The following BSN variants were observed in gnomAD, a reference collection of about 807,000 sequenced individuals.
The protein encoded by BSN is bassoon presynaptic cytomatrix protein, also known as protein bassoon.
A neutral mutation model predicts 264.8 loss-of-function variants in BSN; 57 were observed. The ratio of observed to expected loss-of-function variants is 0.22; its 90% confidence interval spans 0.17 to 0.27. The LOEUF (loss-of-function observed/expected upper bound fraction) is 0.27, where lower values mean the gene tolerates loss of function less well. BSN is among the 10% of genes least tolerant of loss of function. The pLI is 1.00. For synonymous variants in BSN, 2,059 were observed against 2,137.3 expected (o/e 0.96, Z 1.01); for missense variants, 4,615 against 5,232.5 (o/e 0.88, Z 3.64).
At position 49,644,902 on chromosome 3, in the gene BSN, T is replaced by G. The variant is rs373656124; in HGVS notation, c.1518+1750T>G. 1.9e-4 allele frequency among the ~76,000 whole-genome samples: 29 copies of G among 152,378 alleles called. No homozygotes were observed. The East Asian group carries it at 4.6e-3, about 24-fold the overall frequency. ...CGTCCCTGGGCCAGGCCACGGGAAG[T>G]GCTGATTCTGCCCAAACAGAAGAGT... On this transcript the variant is annotated intron_variant, in intron 3 of 11. Coordinates refer to ENST00000296452, the MANE Select transcript of BSN (RefSeq NM_003458.4).
Position 49,662,965 on chromosome 3 carries a change from G to A in BSN, c.10807G>A (p.Val3603Ile), listed in dbSNP as rs1475335171. The part of the protein sequence containing the change: ...DRFRHHGGHA[V>I]SSSSQKRGPA... ...GTTCAGGCACCACGGGGGCCATGCAGTTTCCTCCTCCTCCCAGAAGCGAGG... is the reference window on the plus strand; with the variant it reads ...GTTCAGGCACCACGGGGGCCATGCAATTTCCTCCTCCTCCCAGAAGCGAGG... Residue 3603 changes from valine (V) to isoleucine (I), a missense_variant, in exon 7 of 12, where the codon GTT becomes ATT. Physicochemically the swap from Val to Ile is conservative, Grantham distance 29 (BLOSUM62 3). This residue lies in a region of BSN where 3,415 missense variants were observed against 3,866.4 expected (regional missense o/e 0.88). Transcript: ENST00000296452. 14 of 1,614,054 alleles carry A rather than the reference G, an allele frequency of 8.7e-6. No homozygotes were observed. The highest frequency in any genetic ancestry group is 1.3e-5 in the African/African-American group (1 of 74,952).
chr3:49,633,967 G>A (rs2052402500), intron 2 of BSN, among the ~76,000 whole-genome samples: 1 of 152,034 alleles, frequency 6.6e-6, no homozygotes, highest in Admixed American at 6.5e-5. Context: ...AGCACTTTGG[G>A]AGGCCGAGGC....
chr3:49,588,047 A>G (rs911115780), intron 1 of BSN, among the ~76,000 whole-genome samples: 1 of 150,956 alleles, frequency 6.6e-6, no homozygotes, highest in Non-Finnish European at 1.5e-5. Context: ...TCAGCCTCCC[A>G]AGTAGCTGGG....
intron 1 of BSN, among the ~76,000 whole-genome samples, chr3:49,596,186 C>T (rs1193557137): frequency 1.3e-5 from 2 of 152,146 alleles, no homozygotes; most frequent in Admixed American, 6.5e-5. Flanking sequence ...GGGTGGATCA[C>T]GAGGTCAGGA....
intron 1 of BSN, among the ~76,000 whole-genome samples, chr3:49,603,922 A>G (rs2052091206): frequency 6.6e-6 from 1 of 152,156 alleles, no homozygotes; most frequent in Non-Finnish European, 1.5e-5. Flanking sequence ...GTTCATATAA[A>G]TGGAATCATA....
chr3:49,654,139 C>G lies in BSN; in HGVS notation c.4583C>G (p.Pro1528Arg), dbSNP rs1274182060. 6.2e-7 allele frequency: 1 copy of G among 1,614,074 alleles called. No individual in the cohort carries two copies. Among genetic ancestry groups the G allele is most frequent in the Non-Finnish European group, 8.5e-7 (1 of 1,180,040 alleles). The change falls in exon 5 of 12, where the codon CCT becomes CGT. Residue 1528 changes from proline (P) to arginine (R), a missense_variant. Pro to Arg is a moderately radical substitution (Grantham distance 103, BLOSUM62 -2). Transcript: ENST00000296452. This position sits in a 1 kb window ranked among gnomAD's most constrained non-coding sequence, Gnocchi z 4.1. Reference sequence around the variant, plus strand: ...AGCCCTGGTGCCCCCACTCCATCACCTATGGTAGCCCAGGGTACACAAACA... The same window carrying G: ...AGCCCTGGTGCCCCCACTCCATCACGTATGGTAGCCCAGGGTACACAAACA... ...PRSPGAPTPS[P>R]MVAQGTQTPH...
At chr3:49,599,543 TG>T (rs1235373157) in intron 1 of BSN, among the ~76,000 whole-genome samples, 2 of 152,050 alleles carry the variant, frequency 1.3e-5, no homozygotes, top group Admixed American at 1.3e-4. Context: ...GAGCTAGGGA[TG>T]GGGGAGGGAA....
rs551398454 is a variant in BSN, at chr3:49,622,685, C to G, written c.225-2290C>G. On this transcript the variant is annotated intron_variant, in intron 1 of 11. Transcript: ENST00000296452. Reference sequence around the variant, plus strand: ...TGCTTTCAAGGGCTGCCTTTAAACTCCAGTCTTAAATAATTTATGTAAAAA... The same window carrying G: ...TGCTTTCAAGGGCTGCCTTTAAACTGCAGTCTTAAATAATTTATGTAAAAA... Among the ~76,000 whole-genome samples, 7 of 152,314 alleles carry G rather than the reference C, an allele frequency of 4.6e-5. No individual in the cohort carries two copies. In the South Asian group the frequency reaches 1.5e-3, roughly 32 times the overall value.
chr3:49,627,637 C>T (rs1465172089), intron 2 of BSN, among the ~76,000 whole-genome samples: 1 of 152,158 alleles, frequency 6.6e-6, no homozygotes, highest in Non-Finnish European at 1.5e-5. Context: ...GATGTTATGT[C>T]AGTCAAGAAG....
At chr3:49,572,782 C>CT (rs2051807469) in intron 1 of BSN, among the ~76,000 whole-genome samples, 1 of 152,214 alleles carries the variant, frequency 6.6e-6, no homozygotes, top group Non-Finnish European at 1.5e-5. Flanking sequence ...ATCCGCCCGC[C>CT]TAAGCCTCCC....
At chr3:49,582,963 T>TTATC (rs2051906526) in intron 1 of BSN, among the ~76,000 whole-genome samples, 1 of 150,358 alleles carries the variant, frequency 6.7e-6, no homozygotes, top group Admixed American at 6.6e-5. Flanking sequence ...ATTTATTTAT[T>TTATC]TATTTATTTA....
chr3:49,656,313 C>G lies in BSN; in HGVS notation c.6757C>G (p.Leu2253Val). ...RVPMIAPRVP[L>V]GPTGLYRYPA... is the part of the protein sequence containing the mutation. ...GCCCATGATTGCCCCCCGGGTACCT[C>G]TTGGACCCACAGGGCTGTACCGCTA... is the stretch of plus-strand genomic sequence containing the variant. The change falls in exon 5 of 12, where the codon CTT (leucine) becomes GTT (valine). Residue 2253 changes from leucine (L) to valine (V), a missense_variant. Leu to Val is a conservative substitution (Grantham distance 32). This residue lies in a region of BSN where 3,415 missense variants were observed against 3,866.4 expected (regional missense o/e 0.88). Coordinates refer to ENST00000296452, the MANE Select transcript of BSN (RefSeq NM_003458.4). 6.2e-7 allele frequency: 1 copy of G among 1,613,128 alleles called. No homozygotes were observed.
At chr3:49,617,174 G>T (rs1280453024) in intron 1 of BSN, among the ~76,000 whole-genome samples, 1 of 151,602 alleles carries the variant, frequency 6.6e-6, no homozygotes, top group Non-Finnish European at 1.5e-5. Flanking sequence ...CCTAGATGAC[G>T]GGTTAATAGG....
chr3:49,664,887 G>C, intron 10 of BSN, 34 bp downstream of exon 10: 1 of 1,559,876 alleles, frequency 6.4e-7, no homozygotes, highest in Non-Finnish European at 8.8e-7. Flanking sequence ...TGCCTCTTCT[G>C]GGAAAGGCCC....
Position 49,652,697 on chromosome 3 carries a change from G to T in BSN, c.3141G>T (p.Arg1047=). The T allele has an allele frequency of 6.4e-7, 1 of 1,574,748 alleles. No individual in the cohort carries two copies. The highest frequency in any genetic ancestry group is 8.6e-7 in the Non-Finnish European group (1 of 1,160,576). The change falls in exon 5 of 12, where the codon CGG becomes CGT. Residue 1047 remains arginine, a synonymous_variant. Transcript: ENST00000296452. ...ACTCCTCAGAGGAGGAGGAGCTGCG[G>T]GAGGAAGAGGAGCTGCTTCGTGAGC... is the stretch of plus-strand genomic sequence containing the variant. The part of the protein sequence containing the change: ...IEDSSEEEEL[R]EEEELLREQE...
rs149034379 is a variant in BSN, at chr3:49,658,133, C to T, written c.8577C>T (p.Thr2859=). ...SLSDPKPLSP[T]AEESAKERFS... is the part of the protein sequence containing the mutation. The stretch of plus-strand genomic sequence containing the variant: ...CTGACCCTAAGCCCCTCAGCCCCAC[C>T]GCCGAAGAGTCTGCCAAAGAGAGAT... The change falls in exon 5 of 12, where the codon ACC becomes ACT. Residue 2859 remains threonine, a synonymous_variant. Transcript: ENST00000296452. 35 of 1,606,924 alleles carry T rather than the reference C, an allele frequency of 2.2e-5. No individual in the cohort carries two copies. The highest frequency in any genetic ancestry group is 3.3e-4 in the Middle Eastern group (2 of 6,022).
rs2051651422 is a variant in BSN at position 49,554,785 on chromosome 3, T to C, written c.183T>C (p.Pro61=). ...AARSTAVPPV[P]GPGPGPGPGP... ...GGTCGACCGCGGTACCACCGGTCCCTGGCCCCGGCCCCGGCCCCGGTCCCG... is the reference window on the plus strand; with the variant it reads ...GGTCGACCGCGGTACCACCGGTCCCCGGCCCCGGCCCCGGCCCCGGTCCCG... Residue 61 remains proline (P), a synonymous_variant, in exon 1 of 12, where the codon CCT becomes CCC. Transcript: ENST00000296452. The C allele has an allele frequency of 1.7e-6, 2 of 1,211,506 alleles. No homozygotes were observed. The highest frequency in any genetic ancestry group is 1.6e-5 in the African/African-American group (1 of 63,068). The allele number at this position is 1,211,506 out of a possible 1,614,324, so 75.0% of individuals were successfully genotyped here.
In BSN at chr3:49,625,463, C is replaced by T; in HGVS notation, c.633+80C>T. The T allele has an allele frequency of 7.7e-7, 1 of 1,306,824 alleles. No homozygotes were observed. The highest frequency in any genetic ancestry group is 1.0e-6 in the Non-Finnish European group (1 of 999,688). The allele number at this position is 1,306,824 out of a possible 1,614,324, so 81.0% of individuals were successfully genotyped here. On this transcript the variant is annotated intron_variant, in intron 2 of 11. Coordinates refer to ENST00000296452, the MANE Select transcript of BSN (RefSeq NM_003458.4). The surrounding 1 kb of genome is among the most constrained non-coding windows in gnomAD (Gnocchi z 4.4). ...CCCTGGTTCCCTTCCCCTCTTTCAC[C>T]AACTCTCTTTTCCTGGTCATTTCCC...
chr3:49,661,877 C>G lies in BSN; in HGVS notation c.10032C>G (p.Pro3344=), dbSNP rs2052660023. 1.2e-6 allele frequency: 2 copies of G among 1,613,730 alleles called. No homozygotes were observed. The highest frequency in any genetic ancestry group is 1.7e-6 in the Non-Finnish European group (2 of 1,180,036). ...YGPGPMGPKH[P]SKSLAPAAIS... is the part of the protein sequence containing the mutation. ...CAGGGCCCATGGGGCCCAAGCATCC[C>G]TCCAAGAGCCTGGCTCCAGCTGCCA... The change falls in exon 6 of 12, where the codon CCC becomes CCG. Residue 3344 remains proline, a synonymous_variant. Coordinates refer to ENST00000296452, the MANE Select transcript of BSN (RefSeq NM_003458.4).
Sources: allele counts gnomAD v4.1 joint callset (sites outside exome capture counted in the v4.1 genomes callset), GRCh38; gene constraint gnomAD v4.1.1; regional missense constraint gnomAD v4.1.1; non-coding constraint Gnocchi (gnomAD v3.1); transcripts MANE v1.5; gene names NCBI Gene and HGNC (gene_info 2026-07-23, HGNC 2026-07-21).